Variants in NFIB observed in about 807,000 individuals in gnomAD.
The protein encoded by NFIB is nuclear factor 1 B-type.
A neutral mutation model predicts 61.5 loss-of-function variants in NFIB; 11 were observed. The observed-to-expected ratio is 0.18, with a 90% CI of 0.11 to 0.30. The LOEUF is 0.30. Ranked by LOEUF, NFIB falls within the 10% of genes least tolerant of loss-of-function variation. The pLI is 1.00. For missense variants in NFIB, 471 were observed against 608.9 expected (o/e 0.77, Z 2.38); for synonymous variants, 260 against 216.5 (o/e 1.20, Z -1.76).
intron 8 of NFIB, among the ~76,000 whole-genome samples, chr9:14,117,125 G>A (rs1409754189): frequency 2.6e-5 from 4 of 152,218 alleles, no homozygotes; most frequent in Non-Finnish European, 5.9e-5. Context: ...CTGAGGGGAA[G>A]CAGAGGACAA....
At position 14,330,018 on chromosome 9, in the gene NFIB, T is replaced by G. The variant is rs747828368; in HGVS notation, c.109-22498A>C. Among the ~76,000 whole-genome samples the G allele has an allele frequency of 2.3e-4, 35 of 151,992 alleles. 1 individual carries two copies. The highest frequency in any genetic ancestry group is 1.5e-3 in the South Asian group (7 of 4,806). Reference sequence around the variant, plus strand: ...GGCACAGGCCTGTAGTCTCAGCTACTCGGGAAGCTGAGGCAGGAGAATCAC... The same window carrying G: ...GGCACAGGCCTGTAGTCTCAGCTACGCGGGAAGCTGAGGCAGGAGAATCAC... On this transcript the variant is annotated intron_variant, in intron 1 of 8. Transcript: ENST00000380934.
At chr9:14,151,859 C>G (rs896332354) in intron 4 of NFIB, among the ~76,000 whole-genome samples, 3 of 152,142 alleles carry the variant, frequency 2.0e-5, no homozygotes, top group Admixed American at 1.3e-4. Context: ...GAGATGCACT[C>G]TAAGCATACG....
At position 14,344,087 on chromosome 9, in the gene NFIB, AGAGAGG is replaced by A. The variant is rs2060987250; in HGVS notation, c.109-36573_109-36568del. 3.5e-5 allele frequency among the ~76,000 whole-genome samples: 5 copies of A among 142,678 alleles called. No individual in the cohort carries two copies. The South Asian group carries it at 1.1e-3, about 30-fold the overall frequency. The allele number at this position is 142,678 out of a possible 152,430, so 93.6% of individuals were successfully genotyped here. A position where few individuals can be genotyped will look rare whatever the true frequency, so the allele number is the denominator to read the frequency against. Reference sequence around the variant, plus strand: ...ATGCTAATATGCTGAGGACCTTTAAAGAGAGGGAGAGAGAGAGAGAAAGAGAGAGAG... The same window carrying A: ...ATGCTAATATGCTGAGGACCTTTAAAGAGAGAGAGAGAGAAAGAGAGAGAG... On this transcript the variant is annotated intron_variant, in intron 1 of 8. Transcript: ENST00000380934.
the NFIB span, among the ~76,000 whole-genome samples, chr9:14,448,561 T>C: frequency 2.6e-5 from 4 of 152,208 alleles, no homozygotes; most frequent in Non-Finnish European, 5.9e-5. Context: ...TGCTTTATTG[T>C]CTATCAAAGG....
intron 8 of NFIB, among the ~76,000 whole-genome samples, chr9:14,119,783 C>A (rs921280014): frequency 6.6e-6 from 1 of 152,108 alleles, no homozygotes; most frequent in Non-Finnish European, 1.5e-5. Context: ...ATACCAAATT[C>A]CTATGAAGTA....
the NFIB span, among the ~76,000 whole-genome samples, chr9:14,494,035 T>C: frequency 1.1e-3 from 166 of 152,178 alleles, no homozygotes; most frequent in African/African-American, 3.8e-3. Context: ...AGGTTCAGAG[T>C]TTGGCTGATA....
At chr9:14,266,565 A>G (rs72698800) in intron 2 of NFIB, among the ~76,000 whole-genome samples, 15,819 of 151,982 alleles carry the variant, frequency 0.1, 1,154 homozygotes, top group East Asian at 0.28. Context: ...TCTGTACTCC[A>G]GCCTAGACAA....
chr9:14,089,138 C>T (rs922451111), intron 10 of NFIB, among the ~76,000 whole-genome samples: 17 of 152,062 alleles, frequency 1.1e-4, no homozygotes, highest in Non-Finnish European at 2.1e-4. Flanking sequence ...AGAGCCACAG[C>T]TTTTCCTTCC....
the NFIB span, among the ~76,000 whole-genome samples, chr9:14,503,080 A>G: frequency 6.8e-6 from 1 of 147,510 alleles, no homozygotes; most frequent in Non-Finnish European, 1.5e-5. Context: ...GCTGAGTAGT[A>G]TTTTATGGTA....
At chr9:14,356,444 C>T (rs1221770449) in intron 1 of NFIB, among the ~76,000 whole-genome samples, 1 of 152,096 alleles carries the variant, frequency 6.6e-6, no homozygotes, top group Non-Finnish European at 1.5e-5. Flanking sequence ...CTAAGTTTAG[C>T]CCTGCATGTG....
At chr9:14,334,533 C>T (rs59739927) in intron 1 of NFIB, among the ~76,000 whole-genome samples, 6,843 of 152,176 alleles carry the variant, frequency 0.045, 467 homozygotes, top group African/African-American at 0.15. Context: ...CACTCTTCTA[C>T]CTTTTTCTTG....
chr9:14,525,820 G>T, the NFIB span, among the ~76,000 whole-genome samples: 1 of 152,084 alleles, frequency 6.6e-6, no homozygotes, highest in African/African-American at 2.4e-5. Context: ...CATAGGAAAT[G>T]TTATGGTTCC....
At chr9:14,245,907 A>G (rs1477193211) in intron 2 of NFIB, among the ~76,000 whole-genome samples, 3 of 152,098 alleles carry the variant, frequency 2.0e-5, no homozygotes, top group African/African-American at 7.2e-5. Context: ...CACATAAATT[A>G]TAAAAGTGGG....
chr9:14,343,171 T>G (rs1404874527), intron 1 of NFIB, among the ~76,000 whole-genome samples: 1 of 152,170 alleles, frequency 6.6e-6, no homozygotes, highest in African/African-American at 2.4e-5. Context: ...TCCCACAATC[T>G]TCTGACAGTT....
intron 2 of NFIB, among the ~76,000 whole-genome samples, chr9:14,290,259 AT>A (rs745321529): frequency 1.3e-5 from 2 of 152,008 alleles, no homozygotes; most frequent in Non-Finnish European, 1.5e-5. Context: ...CAGTATTTAA[AT>A]TTTTGCCATA....
chr9:14,113,510 G>C (rs1004713546), intron 9 of NFIB, among the ~76,000 whole-genome samples: 4 of 152,340 alleles, frequency 2.6e-5, no homozygotes, highest in African/African-American at 9.6e-5. Context: ...AAAAGTGACA[G>C]CTTTTAATGA....
chr9:14,103,189 C>G (rs139943666), intron 10 of NFIB, among the ~76,000 whole-genome samples: 9 of 152,024 alleles, frequency 5.9e-5, no homozygotes, highest in African/African-American at 2.2e-4. Flanking sequence ...CAAATTCTTC[C>G]CAGATCTCCG....
In NFIB at chr9:14,175,427, G is replaced by A. The variant is rs144513181; in HGVS notation, c.616+4300C>T. Among the ~76,000 whole-genome samples the A allele has an allele frequency of 7.7e-3, 1,171 of 152,120 alleles. 13 individuals carry two copies. Among genetic ancestry groups the A allele is most frequent in the African/African-American group, 0.026 (1,060 of 41,478 alleles). ...CTGACCTCGTGATCCACTCGCCTCG[G>A]CCTCCCAAAGTGCTAGGATTACAGG... is the stretch of plus-strand genomic sequence containing the variant. On this transcript the variant is annotated intron_variant, in intron 3 of 10. Coordinates refer to ENST00000380953, the MANE Select transcript of NFIB (RefSeq NM_001190737.2).
intron 1 of NFIB, among the ~76,000 whole-genome samples, chr9:14,395,771 C>A (rs2061678284): frequency 1.6e-5 from 2 of 127,776 alleles, no homozygotes; most frequent in Non-Finnish European, 3.2e-5. Context: ...CAAACAGCAT[C>A]CCAGAATGCC....
Sources: gnomAD v4.1 joint callset for allele counts (sites outside exome capture counted in the v4.1 genomes callset) on GRCh38, gnomAD v4.1.1 for gene constraint, MANE v1.5 for transcripts, NCBI Gene and HGNC (gene_info 2026-07-23, HGNC 2026-07-21) for gene names.